The following KIF20B variants were observed in gnomAD, a reference collection of about 807,000 sequenced individuals.
The protein encoded by KIF20B is kinesin family member 20B, also known as kinesin-like protein KIF20B.
A neutral mutation model predicts 232.5 loss-of-function variants in KIF20B; 188 were observed. The observed-to-expected ratio is 0.81, with a 90% CI of 0.72 to 0.91. KIF20B has a LOEUF of 0.91. Ranked by LOEUF, KIF20B falls within the 40% of genes least tolerant of loss-of-function variation. KIF20B has a pLI of 0.00. For missense variants in KIF20B, 2,154 were observed against 2,055.9 expected (o/e 1.05, Z -0.92); for synonymous variants, 712 against 683.0 (o/e 1.04, Z -0.66).
Position 89,714,056 on chromosome 10 carries a change from C to A in KIF20B, c.685C>A (p.His229Asn). The A allele has an allele frequency of 6.9e-7, 1 of 1,440,692 alleles. No homozygotes were observed. The highest frequency in any genetic ancestry group is 9.4e-7 in the Non-Finnish European group (1 of 1,069,448). The allele number at this position is 1,440,692 out of a possible 1,614,324, so 89.2% of individuals were successfully genotyped here. Residue 229 changes from histidine to asparagine, a missense_variant, in exon 7 of 33, where the codon CAT (histidine) becomes AAT (asparagine). Transcript: ENST00000371728. Reference sequence around the variant, plus strand: ...ACAATCTTTTTTTTAGGTTACTGTGCATAATGATAGTGATGATACTCTTTA... The same window carrying A: ...ACAATCTTTTTTTTAGGTTACTGTGAATAATGATAGTGATGATACTCTTTA... ...LLRQIKEVTV[H>N]NDSDDTLYGS...
chr10:89,758,321 T>C (rs1049714014), intron 26 of KIF20B, among the ~76,000 whole-genome samples: 1 of 152,066 alleles, frequency 6.6e-6, no homozygotes, highest in Non-Finnish European at 1.5e-5. Context: ...TCATGATTTT[T>C]GAACCTATTG....
rs574555372 is a variant in KIF20B, at chr10:89,762,763, C to T, written c.4917C>T (p.His1639=). 1.9e-6 allele frequency: 3 copies of T among 1,613,428 alleles called. No individual in the cohort carries two copies. Among genetic ancestry groups the T allele is most frequent in the East Asian group, 4.5e-5 (2 of 44,826 alleles). ...PLQPNKMAVK[H]PGCTTPVTVK... The stretch of plus-strand genomic sequence containing the variant: ...AGCCAAACAAAATGGCAGTGAAACA[C>T]CCTGGTTGTACCACACCAGTGACAG... The change falls in exon 29 of 33, where the codon CAC becomes CAT. Residue 1639 remains histidine (H), a synonymous_variant. Coordinates refer to ENST00000371728, the MANE Select transcript of KIF20B (RefSeq NM_001284259.2).
At position 89,743,841 on chromosome 10, in the gene KIF20B, A is replaced by G; in HGVS notation, c.3949A>G (p.Arg1317Gly). The G allele has an allele frequency of 6.5e-7, 1 of 1,545,606 alleles. No homozygotes were observed. Among genetic ancestry groups the G allele is most frequent in the Non-Finnish European group, 8.8e-7 (1 of 1,131,460 alleles). ...AATGCGTGATGAGGATAAATTACTG[A>G]GGATTAAAATTAATGAACTGGAGAA... ...SVMRDEDKLL[R>G]IKINELEKKK... Residue 1317 changes from arginine (R) to glycine (G), a missense_variant, in exon 22 of 33, where the codon AGG (arginine) becomes GGG (glycine). Coordinates refer to ENST00000371728, the MANE Select transcript of KIF20B (RefSeq NM_001284259.2).
rs146050509 is a variant in KIF20B, at chr10:89,737,444, G to A, written c.2603G>A (p.Arg868Gln). The A allele has an allele frequency of 5.0e-6, 8 of 1,604,070 alleles. No homozygotes were observed. The East Asian group carries it at 8.9e-5, about 18-fold the overall frequency. The change falls in exon 20 of 33, where the codon CGA becomes CAA. Residue 868 changes from arginine (R) to glutamine (Q), a missense_variant. Coordinates refer to ENST00000371728, the MANE Select transcript of KIF20B (RefSeq NM_001284259.2). ...TEDQKKSEEVRPNIAEIEDIR... is the reference protein window; with the variant it reads ...TEDQKKSEEVQPNIAEIEDIR... ...GACCAAAAGAAAAGTGAAGAAGTGC[G>A]ACCGAACATTGCAGAAATTGAAGAC...
intron 29 of KIF20B, 109 bp from the exon 30 acceptor site, chr10:89,768,181 A>G: frequency 1.4e-6 from 1 of 700,170 alleles, no homozygotes; most frequent in Non-Finnish European, 2.5e-6. Context: ...CTCGGTTAAG[A>G]GTCACTGTTT....
chr10:89,738,565 T>C lies in KIF20B; in HGVS notation c.3724T>C (p.Leu1242=). ...AAATAATTTGCAAGATATGAAACAT[T>C]TACTTCAATTAAAAGAAGAAGAAGA... ...LTNNLQDMKH[L]LQLKEEEEET... The change falls in exon 20 of 33, where the codon TTA becomes CTA. Residue 1242 remains leucine, a synonymous_variant. Transcript: ENST00000371728. 1 of 1,568,522 alleles carries C rather than the reference T, an allele frequency of 6.4e-7. No homozygotes were observed.
At chr10:89,706,439 T>C (rs539081898) in intron 2 of KIF20B, among the ~76,000 whole-genome samples, 16 of 152,228 alleles carry the variant, frequency 1.1e-4, no homozygotes, top group African/African-American at 3.6e-4. Flanking sequence ...CTTTTCTTCT[T>C]TGGTGAATTT....
intron 24 of KIF20B, among the ~76,000 whole-genome samples, chr10:89,751,696 C>A (rs560155482): frequency 6.6e-6 from 1 of 151,712 alleles, no homozygotes. Context: ...TGATAACTTA[C>A]GAATTATATA....
chr10:89,752,400 AG>A (rs2133152377), intron 24 of KIF20B, among the ~76,000 whole-genome samples, 166 bp from the exon 25 acceptor site: 1 of 152,270 alleles, frequency 6.6e-6, no homozygotes, highest in South Asian at 2.1e-4. Context: ...CTAAGAATTT[AG>A]TAAGAACTCC....
At chr10:89,763,867 G>C (rs554412849) in intron 29 of KIF20B, among the ~76,000 whole-genome samples, 1 of 145,872 alleles carries the variant, frequency 6.9e-6, no homozygotes, top group East Asian at 2.1e-4. Context: ...TTTATTAATA[G>C]TATTATTTAT....
intron 26 of KIF20B, among the ~76,000 whole-genome samples, 198 bp from the exon 27 acceptor site, chr10:89,758,508 G>T (rs1202902973): frequency 6.6e-6 from 1 of 151,934 alleles, no homozygotes; most frequent in Non-Finnish European, 1.5e-5. Flanking sequence ...ATGGGATATG[G>T]ATAAAAATAA....
At position 89,729,232 on chromosome 10, in the gene KIF20B, C is replaced by T. The variant is rs1347667027; in HGVS notation, c.2376C>T (p.Asn792=). 1 of 1,487,858 alleles carries T rather than the reference C, an allele frequency of 6.7e-7. No homozygotes were observed. 92.2% of individuals were successfully genotyped at this position (1,487,858 alleles called of 1,614,324 possible). ...EFQNLKSHME[N]TFKCNDKADT... ...AGAACCTAAAGTCTCATATGGAAAA[C>T]ACATTTAAATGCAATGTAAGAATTT... Residue 792 remains asparagine, a synonymous_variant, in exon 18 of 33, where the codon AAC becomes AAT. Coordinates refer to ENST00000371728, the MANE Select transcript of KIF20B (RefSeq NM_001284259.2).
intron 13 of KIF20B, among the ~76,000 whole-genome samples, chr10:89,722,593 T>G (rs1843086273): frequency 6.6e-6 from 1 of 151,928 alleles, no homozygotes; most frequent in African/African-American, 2.4e-5. Flanking sequence ...GGCGTGAACC[T>G]GGGGGGCGGA....
rs765046922 is a variant in KIF20B at position 89,715,093 on chromosome 10, A to G, written c.851A>G (p.Tyr284Cys). The G allele has an allele frequency of 5.6e-6, 9 of 1,608,984 alleles. No homozygotes were observed. The Admixed American group carries it at 1.0e-4, about 18-fold the overall frequency. Residue 284 changes from tyrosine to cysteine, a missense_variant, in exon 8 of 33, where the codon TAT becomes TGT. Transcript: ENST00000371728. ...SFFEIYNEYI[Y>C]DLFVPVSSKF... The stretch of plus-strand genomic sequence containing the variant: ...TTTGAAATTTACAATGAATATATTT[A>G]TGACTTATTTGTTCCTGTATCATCT...
chr10:89,758,766 C>G lies in KIF20B; in HGVS notation c.4564C>G (p.Arg1522Gly). 1.2e-6 allele frequency: 2 copies of G among 1,607,180 alleles called. No individual in the cohort carries two copies. Among genetic ancestry groups the G allele is most frequent in the Non-Finnish European group, 1.7e-6 (2 of 1,176,756 alleles). ...TGACCTTCAAAAGTGGCGAGAAGAA[C>G]GAGATCAACTGGTTGCAGCTTTAGA... ...DSDLQKWREE[R>G]DQLVAALEIQ... The change falls in exon 27 of 33, where the codon CGA becomes GGA. Residue 1522 changes from arginine to glycine, a missense_variant. By Grantham distance (125) the Arg-to-Gly change is moderately radical. Coordinates refer to ENST00000371728, the MANE Select transcript of KIF20B (RefSeq NM_001284259.2).
At chr10:89,757,566 A>G (rs1296411231) in intron 26 of KIF20B, among the ~76,000 whole-genome samples, 2 of 151,960 alleles carry the variant, frequency 1.3e-5, no homozygotes, top group East Asian at 3.8e-4. Context: ...TTCTTTATGA[A>G]GCCCAAGGAC....
At chr10:89,701,971 A>G (rs185264092) in intron 1 of KIF20B, among the ~76,000 whole-genome samples, 1 of 152,352 alleles carries the variant, frequency 6.6e-6, no homozygotes, top group Non-Finnish European at 1.5e-5. Context: ...TTTTCTTATC[A>G]GTTAAAAGGC....
rs532131770 is a variant in KIF20B, at chr10:89,742,574, A to C, written c.3916-1234A>C. ...CTTGAAGCCTCATTTTTTTAAACAA[A>C]ATTAGCAAATATTATGAATATGTGA... is the stretch of plus-strand genomic sequence containing the variant. On this transcript the variant is annotated intron_variant, in intron 21 of 32. Coordinates refer to ENST00000371728, the MANE Select transcript of KIF20B (RefSeq NM_001284259.2). Among the ~76,000 whole-genome samples, 4 of 152,320 alleles carry C rather than the reference A, an allele frequency of 2.6e-5. No individual in the cohort carries two copies. The South Asian group carries it at 6.2e-4, about 24-fold the overall frequency.
chr10:89,733,129 CAG>C (rs755066107), intron 19 of KIF20B, 73 bp downstream of exon 19: 9 of 1,462,478 alleles, frequency 6.2e-6, no homozygotes, highest in African/African-American at 5.6e-5. Context: ...ACAAGGCAAA[CAG>C]AGGGGCATTC....
Sources: gnomAD v4.1 joint callset for allele counts (sites outside exome capture counted in the v4.1 genomes callset) on GRCh38, gnomAD v4.1.1 for gene constraint, MANE v1.5 for transcripts, NCBI Gene and HGNC (gene_info 2026-07-23, HGNC 2026-07-21) for gene names.